The following MRPS10 variants were observed in gnomAD, a reference collection of about 807,000 sequenced individuals.
MRPS10 encodes small ribosomal subunit protein uS10m.
A neutral mutation model predicts 27.5 loss-of-function variants in MRPS10; 23 were observed. The ratio of observed to expected loss-of-function variants is 0.84; its 90% CI spans 0.60 to 1.18. The LOEUF is 1.18. Among genes scored for constraint, MRPS10 ranks in the 50% most tolerant of loss-of-function variants. The pLI is 0.00. For missense variants in MRPS10, 237 were observed against 240.1 expected, an observed-to-expected ratio of 0.99 and a Z score of 0.09; for synonymous variants, 88 against 84.2, an observed-to-expected ratio of 1.04 and a Z score of -0.25.
At chr6:42,216,385 A>AGAGAGAGAGAGAGAGAGTGT in intron 1 of MRPS10, among the ~76,000 whole-genome samples, 7 of 58,700 alleles carry the variant, frequency 1.2e-4, no homozygotes, top group Admixed American at 4.2e-4. Flanking sequence ...AGAGAGAGAG[A>AGAGAGAGAGAGAGAGAGTGT]GTGTGTGTGT....
At chr6:42,209,263 G>C (rs1213261649) in intron 5 of MRPS10, among the ~76,000 whole-genome samples, 1 of 152,006 alleles carries the variant, frequency 6.6e-6, no homozygotes, top group Non-Finnish European at 1.5e-5. Flanking sequence ...CTCCCAAAGT[G>C]CTAGGATTAC....
chr6:42,210,398 A>T, intron 5 of MRPS10, 90 bp downstream of exon 5: 1 of 512,780 alleles, frequency 2.0e-6, no homozygotes, highest in Non-Finnish European at 3.3e-6. Context: ...TTGCTGAAAG[A>T]AGTCAATCTA....
chr6:42,209,747 C>CAAAAAAAAA (rs60179760), intron 5 of MRPS10, among the ~76,000 whole-genome samples: 1 of 58,612 alleles, frequency 1.7e-5, no homozygotes, highest in African/African-American at 7.3e-5. Context: ...GACTCTATCT[C>CAAAAAAAAA]AAAAAAAAAA....
rs369913509 is a variant in MRPS10 at position 42,215,260 on chromosome 6, T to C, written c.49-916A>G. On this transcript the variant is annotated intron_variant, in intron 1 of 6. Coordinates refer to ENST00000053468, the MANE Select transcript of MRPS10 (RefSeq NM_018141.4). The stretch of plus-strand genomic sequence containing the variant: ...AAAAATTAGCCAGGCATGGTGGCGG[T>C]GCGGTTGTGATCCTAGTTACTTGGG... Among the ~76,000 whole-genome samples the C allele has an allele frequency of 4.9e-3, 727 of 148,258 alleles. 13 individuals carry two copies. Among genetic ancestry groups the C allele is most frequent in the African/African-American group, 0.017 (676 of 40,190 alleles).
rs4714580 is a variant in MRPS10, at chr6:42,206,820, A to G, written c.*1469T>C. 0.87 allele frequency: 132,287 copies of G among 152,198 alleles called. 57,588 individuals carry two copies. The highest frequency in any genetic ancestry group is 0.92 in the East Asian group (4,743 of 5,168). 9.4% of individuals were successfully genotyped at this position (152,198 alleles called of 1,614,324 possible). A position where few individuals can be genotyped will look rare whatever the true frequency, so the allele number is the denominator to read the frequency against. The stretch of plus-strand genomic sequence containing the variant: ...CTGAGCTGAAGGTCATGGGGCACAA[A>G]GCTGCAATTCTTTTAATGGTGATGA... On this transcript the variant is annotated 3_prime_UTR_variant, in exon 7 of 7. Transcript: ENST00000053468.
At chr6:42,217,670 C>T in intron 1 of MRPS10, 132 bp downstream of exon 1, 3 of 874,110 alleles carry the variant, frequency 3.4e-6, no homozygotes, top group Non-Finnish European at 5.4e-6. Flanking sequence ...TTTCTCGTCA[C>T]TTTCCTGTAA....
chr6:42,214,875 G>T (rs987744849), intron 1 of MRPS10, among the ~76,000 whole-genome samples: 8 of 152,136 alleles, frequency 5.3e-5, no homozygotes, highest in Non-Finnish European at 1.2e-4. Flanking sequence ...TATGTGCTGT[G>T]ACTTATACCC....
intron 1 of MRPS10, 56 bp from the exon 2 acceptor site, chr6:42,214,400 T>C: frequency 7.3e-7 from 1 of 1,361,052 alleles, no homozygotes; most frequent in Non-Finnish European, 1.0e-6. Context: ...ACCAAACCAT[T>C]CATAATTTCC....
At chr6:42,215,117 C>G (rs937190520) in intron 1 of MRPS10, among the ~76,000 whole-genome samples, 3 of 151,964 alleles carry the variant, frequency 2.0e-5, no homozygotes, top group Non-Finnish European at 2.9e-5. Flanking sequence ...GGCCAGGTGC[C>G]GTGGCTCACA....
chr6:42,210,342 A>G (rs1358739492), intron 5 of MRPS10, 146 bp downstream of exon 5: 1 of 353,410 alleles, frequency 2.8e-6, no homozygotes, highest in East Asian at 7.6e-5. Flanking sequence ...ACACTTCCAT[A>G]AACACTAAAA....
rs1185785526 is a variant in MRPS10, at chr6:42,214,140, T to G, written c.166A>C (p.Lys56Gln). 1 of 1,612,790 alleles carries G rather than the reference T, an allele frequency of 6.2e-7. No individual in the cohort carries two copies. The highest frequency in any genetic ancestry group is 1.1e-5 in the South Asian group (1 of 90,906). ...QFSNLHVDVP[K>Q]DLTKPVVTIS... The stretch of plus-strand genomic sequence containing the variant: ...CATACCACAGGTTTGGTCAAATCCT[T>G]TGGAACATCAACGTGTAGGTTTGAA... The change falls in exon 3 of 7, where the codon AAG (lysine) becomes CAG (glutamine). Residue 56 changes from lysine to glutamine, a missense_variant. Coordinates refer to ENST00000053468, the MANE Select transcript of MRPS10 (RefSeq NM_018141.4).
chr6:42,208,062 G>A lies in MRPS10; in HGVS notation c.*227C>T. The A allele has an allele frequency of 1.9e-6, 1 of 525,506 alleles. No individual in the cohort carries two copies. Among genetic ancestry groups the A allele is most frequent in the African/African-American group, 2.0e-5 (1 of 50,262 alleles). 32.6% of individuals were successfully genotyped at this position (525,506 alleles called of 1,614,324 possible). A position where few individuals can be genotyped will look rare whatever the true frequency, so the allele number is the denominator to read the frequency against. On this transcript the variant is annotated 3_prime_UTR_variant, in exon 7 of 7. Transcript: ENST00000053468. ...TTTCTGCTTTCAGTCAAAGTGGTTT[G>A]CTCATGTTTGCTGAAATCAGAACTG... is the stretch of plus-strand genomic sequence containing the variant.
chr6:42,212,363 G>A (rs1023691608), intron 3 of MRPS10, among the ~76,000 whole-genome samples: 20 of 152,120 alleles, frequency 1.3e-4, no homozygotes, highest in African/African-American at 4.8e-4. Context: ...GTAAACCTAT[G>A]CTATTGCTCA....
At position 42,207,716 on chromosome 6, in the gene MRPS10, CAAG is replaced by C. The variant is rs1256760379; in HGVS notation, c.*570_*572del. 2.0e-5 allele frequency: 3 copies of C among 152,230 alleles called. No homozygotes were observed. The highest frequency in any genetic ancestry group is 1.9e-4 in the East Asian group (1 of 5,206). 9.4% of individuals were successfully genotyped at this position (152,230 alleles called of 1,614,324 possible). On this transcript the variant is annotated 3_prime_UTR_variant, in exon 7 of 7. Transcript: ENST00000053468. The stretch of plus-strand genomic sequence containing the variant: ...GGCAACTCTATAAAGTTCTGGGCTC[CAAG>C]AAGAGGTCAGTGCATGCCATAAATG...
chr6:42,212,007 G>A, intron 3 of MRPS10, 90 bp from the exon 4 acceptor site: 2 of 1,192,926 alleles, frequency 1.7e-6, no homozygotes, highest in South Asian at 2.8e-5. Flanking sequence ...AACAACTTCA[G>A]AGTTTACTAA....
intron 4 of MRPS10, among the ~76,000 whole-genome samples, chr6:42,211,058 AGCCC>A (rs1453216976): frequency 5.3e-5 from 8 of 152,238 alleles, no homozygotes; most frequent in Non-Finnish European, 8.8e-5. Context: ...AGACTGCCAA[AGCCC>A]CAGATGGGGC....
chr6:42,213,069 G>T (rs1016774828), intron 3 of MRPS10, among the ~76,000 whole-genome samples: 1 of 152,224 alleles, frequency 6.6e-6, no homozygotes, highest in Non-Finnish European at 1.5e-5. Context: ...GGCACACCAT[G>T]CCAATTCTGC....
chr6:42,211,458 T>G (rs932817090), intron 4 of MRPS10, among the ~76,000 whole-genome samples: 3 of 151,904 alleles, frequency 2.0e-5, no homozygotes, highest in Middle Eastern at 3.2e-3. Context: ...AGGCGGGCAA[T>G]TTGCCTGAGC....
chr6:42,209,899 TTC>T (rs1301556955), intron 5 of MRPS10, among the ~76,000 whole-genome samples: 1 of 152,198 alleles, frequency 6.6e-6, no homozygotes, highest in African/African-American at 2.4e-5. Context: ...GATCAAAGTA[TTC>T]TGAGTGCTTA....
Sources: allele counts gnomAD v4.1 joint callset (sites outside exome capture counted in the v4.1 genomes callset), GRCh38; gene constraint gnomAD v4.1.1; transcripts MANE v1.5; gene names NCBI Gene and HGNC (gene_info 2026-07-23, HGNC 2026-07-21).